Variants in FOXJ3 observed in about 807,000 individuals in gnomAD.
FOXJ3 encodes the protein forkhead box protein J3.
In FOXJ3, 22 loss-of-function variants were observed where a neutral mutation model predicts 76.1. That is an observed-to-expected ratio of 0.29 (90% CI 0.21 to 0.41). The LOEUF (loss-of-function observed/expected upper bound fraction) is 0.41, where lower values mean the gene tolerates loss of function less well. Ranked by LOEUF, FOXJ3 falls within the 10% of genes least tolerant of loss-of-function variation. FOXJ3 has a pLI of 1.00. For missense variants in FOXJ3, 613 were observed against 762.1 expected, an observed-to-expected ratio of 0.80 and a Z score of 2.30; for synonymous variants, 269 against 261.2, an observed-to-expected ratio of 1.03 and a Z score of -0.29.
rs139967600 is a variant in FOXJ3, at chr1:42,306,155, C to T, written c.44+4895G>A. Among the ~76,000 whole-genome samples, 5 of 152,312 alleles carry T rather than the reference C, an allele frequency of 3.3e-5. No individual in the cohort carries two copies. In the East Asian group the frequency reaches 7.7e-4, roughly 23 times the overall value. ...TTTCAGTAAGCTGTTGCTCTTACTG[C>T]ATCTGTACTTGGAAATAAAATACAG... On this transcript the variant is annotated intron_variant, in intron 2 of 12. Coordinates refer to ENST00000361346, the MANE Select transcript of FOXJ3 (RefSeq NM_014947.5).
intron 4 of FOXJ3, among the ~76,000 whole-genome samples, chr1:42,248,327 GA>G: frequency 6.6e-6 from 1 of 152,214 alleles, no homozygotes; most frequent in Non-Finnish European, 1.5e-5. Context: ...GAGGTCAGGA[GA>G]TCAAGACCAA....
At chr1:42,321,135 A>T (rs1479612140) in intron 1 of FOXJ3, among the ~76,000 whole-genome samples, 1 of 152,186 alleles carries the variant, frequency 6.6e-6, no homozygotes, top group Non-Finnish European at 1.5e-5. Context: ...TGACTTTATA[A>T]TCATTTATAT....
intron 1 of FOXJ3, among the ~76,000 whole-genome samples, chr1:42,331,847 A>G (rs1158930286): frequency 6.6e-6 from 1 of 152,224 alleles, no homozygotes; most frequent in Non-Finnish European, 1.5e-5. Context: ...AAAAAGAATA[A>G]AAGTTTAAGG....
intron 2 of FOXJ3, among the ~76,000 whole-genome samples, chr1:42,295,135 C>T (rs1433442580): frequency 4.6e-5 from 7 of 152,140 alleles, no homozygotes; most frequent in Non-Finnish European, 7.4e-5. Context: ...TTGGTGGAGA[C>T]TGGGCTTCTA....
chr1:42,212,194 A>G (rs1646978621), intron 5 of FOXJ3, among the ~76,000 whole-genome samples: 1 of 152,220 alleles, frequency 6.6e-6, no homozygotes, highest in Non-Finnish European at 1.5e-5. Flanking sequence ...GTGGAGGTTG[A>G]GCCAAGATGG....
intron 3 of FOXJ3, among the ~76,000 whole-genome samples, chr1:42,271,912 G>T (rs1651892995): frequency 1.3e-5 from 2 of 152,140 alleles, no homozygotes; most frequent in African/African-American, 4.8e-5. Context: ...CCAAAGTGCT[G>T]GGATTATAGG....
intron 2 of FOXJ3, among the ~76,000 whole-genome samples, chr1:42,284,130 G>A (rs1413988727): frequency 6.6e-6 from 1 of 152,158 alleles, no homozygotes; most frequent in African/African-American, 2.4e-5. Flanking sequence ...CTATAAAAGA[G>A]TCTCTATTAG....
At chr1:42,321,947 T>C (rs1295718827) in intron 1 of FOXJ3, among the ~76,000 whole-genome samples, 1 of 152,208 alleles carries the variant, frequency 6.6e-6, no homozygotes, top group Non-Finnish European at 1.5e-5. Flanking sequence ...TTTCATGTTG[T>C]TTCTGTAAAC....
intron 4 of FOXJ3, among the ~76,000 whole-genome samples, chr1:42,242,952 A>C (rs1220469462): frequency 1.5e-5 from 1 of 67,748 alleles, no homozygotes; most frequent in Non-Finnish European, 3.4e-5. Context: ...GAAAAAAACT[A>C]GTCTATTATA....
rs1646995700 is a variant in FOXJ3 at position 42,212,979 on chromosome 1, A to AAAAAAAAAAAT, written c.529-7117_529-7116insATTTTTTTTTT. ...TAGCAAAAAAAAAAAAAACAAAAAA[A>AAAAAAAAAAAT]AAACTAAGTTTCATAAGTGAAGGAG... is the stretch of plus-strand genomic sequence containing the variant. On this transcript the variant is annotated intron_variant, in intron 5 of 12. Transcript: ENST00000361346. Among the ~76,000 whole-genome samples, 2 of 151,156 alleles carry AAAAAAAAAAAT rather than the reference A, an allele frequency of 1.3e-5. 1 individual carries two copies. Among genetic ancestry groups the AAAAAAAAAAAT allele is most frequent in the Non-Finnish European group, 3.0e-5 (2 of 67,786 alleles).
chr1:42,279,354 CT>C (rs941504208), intron 2 of FOXJ3, among the ~76,000 whole-genome samples: 1 of 152,066 alleles, frequency 6.6e-6, no homozygotes, highest in South Asian at 2.1e-4. Context: ...CAGGGAGTTA[CT>C]TTTTTTAAAA....
chr1:42,283,407 T>A (rs1192165550), intron 2 of FOXJ3, among the ~76,000 whole-genome samples: 1 of 152,210 alleles, frequency 6.6e-6, no homozygotes, highest in Non-Finnish European at 1.5e-5. Flanking sequence ...TGATCCCATG[T>A]ATGCTTTTTA....
At chr1:42,287,776 C>T (rs927611635) in intron 2 of FOXJ3, among the ~76,000 whole-genome samples, 1 of 152,110 alleles carries the variant, frequency 6.6e-6, no homozygotes, top group African/African-American at 2.4e-5. Context: ...GCATGGGCAA[C>T]ATGGCGAAAC....
intron 6 of FOXJ3, among the ~76,000 whole-genome samples, chr1:42,202,469 A>G (rs910976472): frequency 6.6e-6 from 1 of 152,234 alleles, no homozygotes; most frequent in Non-Finnish European, 1.5e-5. Flanking sequence ...GCAAACTAAT[A>G]AACGTATAAG....
At chr1:42,251,619 T>C (rs1377829391) in intron 4 of FOXJ3, among the ~76,000 whole-genome samples, 2 of 152,064 alleles carry the variant, frequency 1.3e-5, no homozygotes, top group South Asian at 2.1e-4. Flanking sequence ...TTTGAATATA[T>C]TGAACCAGCC....
intron 5 of FOXJ3, among the ~76,000 whole-genome samples, chr1:42,224,219 A>G (rs1325112403): frequency 6.6e-6 from 1 of 152,234 alleles, no homozygotes. Context: ...TATCTTTTCA[A>G]TAAACTGAAA....
chr1:42,226,517 G>C (rs796347123), intron 5 of FOXJ3, among the ~76,000 whole-genome samples: 12 of 152,232 alleles, frequency 7.9e-5, no homozygotes, highest in African/African-American at 2.6e-4. Flanking sequence ...GCTGAGTCAG[G>C]AGAATGGCTT....
intron 4 of FOXJ3, among the ~76,000 whole-genome samples, chr1:42,259,478 A>G (rs1650869941): frequency 6.6e-6 from 1 of 152,204 alleles, no homozygotes; most frequent in Non-Finnish European, 1.5e-5. Context: ...CAACTTTAAA[A>G]AGAGAACAGA....
At chr1:42,200,680 A>G (rs1646747308) in intron 6 of FOXJ3, among the ~76,000 whole-genome samples, 1 of 151,994 alleles carries the variant, frequency 6.6e-6, no homozygotes, top group South Asian at 2.1e-4. Context: ...GGGTTTCACT[A>G]TGTTGGTCAT....
Sources: gnomAD v4.1 joint callset for allele counts (sites outside exome capture counted in the v4.1 genomes callset) on GRCh38, gnomAD v4.1.1 for gene constraint, MANE v1.5 for transcripts, NCBI Gene and HGNC (gene_info 2026-07-23, HGNC 2026-07-21) for gene names.